The following MASP1 variants were observed in gnomAD, a reference collection of about 807,000 sequenced individuals.
The protein encoded by MASP1 is MBL associated serine protease 1.
MASP1 carries 59 observed loss-of-function variants against 77.1 expected under a neutral mutation model. The observed-to-expected ratio is 0.77, with a 90% CI of 0.62 to 0.95. The LOEUF (loss-of-function observed/expected upper bound fraction) is 0.95. Ranked by LOEUF, MASP1 falls within the 40% of genes least tolerant of loss-of-function variation. The pLI, the probability that MASP1 is intolerant of heterozygous loss-of-function variation, is 0.00. For missense variants in MASP1, 885 were observed against 912.9 expected (o/e 0.97, Z 0.39); for synonymous variants, 362 against 354.5 (o/e 1.02, Z -0.24).
chr3:187,225,371 T>C, exon 13 of MASP1: 1 of 1,613,972 alleles, frequency 6.2e-7, no homozygotes, highest in Admixed American at 1.7e-5. Flanking sequence ...CACGAAGGCA[T>C]TCAGCACTGG....
In MASP1 at chr3:187,234,120, C is replaced by T; in HGVS notation, c.*1564G>A. 1 of 1,285,404 alleles carries T rather than the reference C, an allele frequency of 7.8e-7. No individual in the cohort carries two copies. Among genetic ancestry groups the T allele is most frequent in the Non-Finnish European group, 1.0e-6 (1 of 987,302 alleles). The allele number at this position is 1,285,404 out of a possible 1,614,324, so 79.6% of individuals were successfully genotyped here. On this transcript the variant is annotated 3_prime_UTR_variant, in exon 11 of 11. Transcript: ENST00000296280. ...CGAGGGTTTATTTCCACTTGAGACCCCTGATGGGAGCAACAATGCAGAGGC... is the reference window on the plus strand; with the variant it reads ...CGAGGGTTTATTTCCACTTGAGACCTCTGATGGGAGCAACAATGCAGAGGC...
Position 187,236,387 on chromosome 3 carries a change from G to A in MASP1, c.1484C>T (p.Ala495Val), listed in dbSNP as rs780565432. Reference sequence around the variant, plus strand: ...ACGCTGGGAGCGCAGCACATGAGCTGCTGTGAGGATCCAGGACGCAGAGAG... The same window carrying A: ...ACGCTGGGAGCGCAGCACATGAGCTACTGTGAGGATCCAGGACGCAGAGAG... ...ALLSASWILT[A>V]AHVLRSQRRD... Residue 495 changes from alanine (A) to valine (V), a missense_variant, in exon 11 of 11, where the codon GCA (alanine) becomes GTA (valine). Coordinates refer to ENST00000296280, the MANE Select transcript of MASP1 (RefSeq NM_139125.4). 3.1e-6 allele frequency: 5 copies of A among 1,614,250 alleles called. No homozygotes were observed. Among genetic ancestry groups the A allele is most frequent in the Admixed American group, 1.7e-5 (1 of 60,032 alleles).
intron 8 of MASP1, among the ~76,000 whole-genome samples, chr3:187,248,849 A>G (rs1020027664): frequency 6.6e-6 from 1 of 152,218 alleles, no homozygotes; most frequent in Non-Finnish European, 1.5e-5. Flanking sequence ...TCATCATATG[A>G]AAAGGAAAAG....
intron 8 of MASP1, chr3:187,247,423 T>C (rs774176353): frequency 6.2e-7 from 1 of 1,612,810 alleles, no homozygotes; most frequent in East Asian, 2.2e-5. Flanking sequence ...GATCAAGAGA[T>C]ACAGAGGAAG....
downstream of MASP1, chr3:187,229,756 C>T (rs2108506633): frequency 6.2e-7 from 1 of 1,614,056 alleles, no homozygotes; most frequent in Non-Finnish European, 8.5e-7. Context: ...CACCTTCTCC[C>T]TACCTAGAAG....
intron 13 of MASP1, among the ~76,000 whole-genome samples, chr3:187,224,641 C>T (rs1206770740): frequency 7.2e-5 from 11 of 152,074 alleles, no homozygotes; most frequent in Admixed American, 2.6e-4. Context: ...CCACCGCGCC[C>T]GGCCTGTGCT....
At chr3:187,291,387 C>T (rs1251181148) in intron 1 of MASP1, 2 of 589,998 alleles carry the variant, frequency 3.4e-6, no homozygotes, top group African/African-American at 3.7e-5. Flanking sequence ...GCTTCAGCAG[C>T]GTCCGGAGCA....
At chr3:187,260,606 T>G in intron 4 of MASP1, 135 bp downstream of exon 4, 1 of 1,200,272 alleles carries the variant, frequency 8.3e-7, no homozygotes, top group Non-Finnish European at 1.2e-6. Context: ...TCTTCATCCA[T>G]GTGGTGTCTG....
chr3:187,257,482 C>G (rs1452111632), intron 4 of MASP1, among the ~76,000 whole-genome samples: 1 of 152,092 alleles, frequency 6.6e-6, no homozygotes, highest in Non-Finnish European at 1.5e-5. Context: ...TCCACCTTCT[C>G]CCAGTGATCC....
chr3:187,232,427 C>T (rs1300563235), downstream of MASP1, among the ~76,000 whole-genome samples: 1 of 152,170 alleles, frequency 6.6e-6, no homozygotes, highest in Admixed American at 6.5e-5. Flanking sequence ...CTAAAACTCA[C>T]CATTCTTTAC....
At chr3:187,248,638 T>C (rs1488733699) in intron 8 of MASP1, among the ~76,000 whole-genome samples, 9 of 152,254 alleles carry the variant, frequency 5.9e-5, no homozygotes, top group East Asian at 3.9e-4. Flanking sequence ...GAGCCTCAGA[T>C]TGGAGGAGGT....
rs546762129 is a variant in MASP1 at position 187,251,104 on chromosome 3, G to A, written c.1011+530C>T. On this transcript the variant is annotated intron_variant, in intron 7 of 10. Transcript: ENST00000296280. The stretch of plus-strand genomic sequence containing the variant: ...CTCCCAAGTAGCTGGGATTACAGGC[G>A]CCCGCCACCACACCTGGCTATTTTT... 1.7e-4 allele frequency among the ~76,000 whole-genome samples: 26 copies of A among 152,130 alleles called. No individual in the cohort carries two copies. In the South Asian group the frequency reaches 2.7e-3, roughly 16 times the overall value.
chr3:187,222,097 G>C (rs961225474), intron 14 of MASP1, among the ~76,000 whole-genome samples: 2 of 152,124 alleles, frequency 1.3e-5, no homozygotes, highest in Non-Finnish European at 2.9e-5. Context: ...AGGGCAGGGT[G>C]GTCCTGAGGA....
chr3:187,254,745 G>T (rs923508474), intron 5 of MASP1, among the ~76,000 whole-genome samples: 4 of 152,094 alleles, frequency 2.6e-5, no homozygotes, highest in African/African-American at 9.7e-5. Context: ...GGGGGCAGTG[G>T]GGGAGAGAAG....
intron 10 of MASP1, among the ~76,000 whole-genome samples, chr3:187,239,935 C>G (rs557194027): frequency 6.6e-6 from 1 of 152,250 alleles, no homozygotes; most frequent in South Asian, 2.1e-4. Context: ...CTAACATGTT[C>G]TTCGCTTCTT....
At chr3:187,220,228 C>T in exon 16 of MASP1, 8 of 1,614,148 alleles carry the variant, frequency 5.0e-6, no homozygotes, top group Non-Finnish European at 6.8e-6. Flanking sequence ...CACCATGGGG[C>T]CTCCAGAGTC....
intron 8 of MASP1, chr3:187,247,110 C>A: frequency 7.1e-7 from 1 of 1,404,104 alleles, no homozygotes; most frequent in Non-Finnish European, 9.2e-7. Context: ...TCATTATTTT[C>A]TGGAATAGTG....
At chr3:187,243,447 G>A (rs1713823028) in intron 9 of MASP1, 37 bp downstream of exon 9, 1 of 1,613,358 alleles carries the variant, frequency 6.2e-7, no homozygotes, top group East Asian at 2.2e-5. Flanking sequence ...CCGAGAGTGT[G>A]AAACGGGAGT....
At chr3:187,286,083 T>TA (rs1385032679) in intron 1 of MASP1, 27 bp from the exon 2 acceptor site, 2 of 1,565,662 alleles carry the variant, frequency 1.3e-6, no homozygotes, top group South Asian at 1.1e-5. Flanking sequence ...TAGGTCTACT[T>TA]ACATTTATAA....
Sources: allele counts gnomAD v4.1 joint callset (sites outside exome capture counted in the v4.1 genomes callset), GRCh38; gene constraint gnomAD v4.1.1; transcripts MANE v1.5; gene names NCBI Gene and HGNC (gene_info 2026-07-23, HGNC 2026-07-21).